Variants in PLIN3 observed in about 807,000 individuals in gnomAD.
PLIN3 encodes the protein perilipin-3.
In PLIN3, 30 loss-of-function variants were observed where a neutral mutation model predicts 35.9. The observed-to-expected ratio is 0.84, with a 90% confidence interval of 0.62 to 1.13. The LOEUF is 1.13. Ranked by LOEUF, PLIN3 falls within the 50% of genes most tolerant of loss-of-function variation. The pLI is 0.00. For synonymous variants in PLIN3, 261 were observed against 262.5 expected (o/e 0.99, Z 0.06); for missense variants, 603 against 596.9 (o/e 1.01, Z -0.11).
intron 5 of PLIN3, among the ~76,000 whole-genome samples, chr19:4,848,790 C>A (rs1312354041): frequency 1.3e-5 from 2 of 152,072 alleles, no homozygotes; most frequent in Non-Finnish European, 2.9e-5. Flanking sequence ...TCGCTTGAAC[C>A]CGGGAGGTGG....
chr19:4,863,221 G>A (rs1049808142), intron 1 of PLIN3, among the ~76,000 whole-genome samples: 6 of 151,578 alleles, frequency 4.0e-5, no homozygotes, highest in Non-Finnish European at 1.5e-5. Context: ...TTAAAGGCCG[G>A]GTGCGGTGGC....
At chr19:4,848,188 T>TG (rs1287714413) in intron 5 of PLIN3, among the ~76,000 whole-genome samples, 1 of 152,138 alleles carries the variant, frequency 6.6e-6, no homozygotes, top group African/African-American at 2.4e-5. Context: ...TTCACCATGT[T>TG]GGCCAGGCTG....
intron 4 of PLIN3, among the ~76,000 whole-genome samples, chr19:4,856,501 T>C (rs2030480444): frequency 6.6e-6 from 1 of 151,186 alleles, no homozygotes; most frequent in African/African-American, 2.4e-5. Context: ...GAGGTTGCAG[T>C]GAGCCGAGAT....
chr19:4,854,506 C>T (rs536089481), intron 4 of PLIN3, among the ~76,000 whole-genome samples: 2 of 152,148 alleles, frequency 1.3e-5, no homozygotes, highest in Admixed American at 6.6e-5. Flanking sequence ...CAGGTTCAAG[C>T]GGTTCTCCTG....
chr19:4,860,837 G>GGT, intron 2 of PLIN3, among the ~76,000 whole-genome samples: 1 of 152,042 alleles, frequency 6.6e-6, no homozygotes, highest in Admixed American at 6.6e-5. Context: ...CGGGCGTGGT[G>GGT]GCACATGCCT....
intron 4 of PLIN3, among the ~76,000 whole-genome samples, chr19:4,859,031 T>C (rs1376271866): frequency 6.6e-6 from 1 of 152,090 alleles, no homozygotes; most frequent in East Asian, 1.9e-4. Context: ...GTTTTGACTT[T>C]CCTGCCGCCA....
chr19:4,864,551 A>T (rs938870086), intron 1 of PLIN3, among the ~76,000 whole-genome samples: 5 of 151,650 alleles, frequency 3.3e-5, no homozygotes, highest in Non-Finnish European at 5.9e-5. Context: ...TCCTGAGCTC[A>T]AGGGATCTGC....
rs770583967 is a variant in PLIN3, at chr19:4,847,673, G to T, written c.834+18C>A. ...GTGAAGGCTGCTGGCTCAGGGCCCC[G>T]ACCCCCTGGAACCTCACCAGGCTTA... On this transcript the variant is annotated intron_variant, in intron 6 of 7. Transcript: ENST00000221957. 6.3e-7 allele frequency: 1 copy of T among 1,574,862 alleles called. No individual in the cohort carries two copies. Among genetic ancestry groups the T allele is most frequent in the Non-Finnish European group, 8.6e-7 (1 of 1,159,922 alleles).
chr19:4,851,405 A>C (rs982960452), intron 5 of PLIN3, among the ~76,000 whole-genome samples: 1 of 152,112 alleles, frequency 6.6e-6, no homozygotes, highest in Non-Finnish European at 1.5e-5. Flanking sequence ...CAGAGGTTGC[A>C]GTGAGCTGAG....
chr19:4,860,003 C>T lies in PLIN3; in HGVS notation c.88G>A (p.Ala30Thr). 1 of 1,614,060 alleles carries T rather than the reference C, an allele frequency of 6.2e-7. No homozygotes were observed. Among genetic ancestry groups the T allele is most frequent in the South Asian group, 1.1e-5 (1 of 91,082 alleles). Residue 30 changes from alanine (A) to threonine (T), a missense_variant, in exon 3 of 8, where the codon GCC becomes ACC. Physicochemically the swap from Ala to Thr is moderately conservative, Grantham distance 58. Transcript: ENST00000221957. ...GTGGAGCTGATCAGAGGCATGCTGG[C>T]CACACGGTCCACCACACTGGGCTAC... ...VQQPSVVDRVASMPLISSTCD... is the reference protein window; with the variant it reads ...VQQPSVVDRVTSMPLISSTCD...
intron 5 of PLIN3, among the ~76,000 whole-genome samples, chr19:4,849,253 G>A (rs1486120292): frequency 6.6e-6 from 1 of 152,008 alleles, no homozygotes; most frequent in Non-Finnish European, 1.5e-5. Context: ...GTTTACAGGT[G>A]TGAGCCATTG....
chr19:4,849,277 G>A (rs942047967), intron 5 of PLIN3, among the ~76,000 whole-genome samples: 7 of 151,380 alleles, frequency 4.6e-5, no homozygotes, highest in African/African-American at 1.7e-4. Context: ...CTGGCTTCCT[G>A]TACCTTTTCT....
At chr19:4,861,869 G>T (rs1250743433) in intron 1 of PLIN3, among the ~76,000 whole-genome samples, 4 of 151,622 alleles carry the variant, frequency 2.6e-5, no homozygotes, top group African/African-American at 9.7e-5. Flanking sequence ...TCCTGACCTT[G>T]TGTTCCACCC....
chr19:4,843,209 A>ACCCTGTCTT (rs1568372800), intron 7 of PLIN3, among the ~76,000 whole-genome samples: 1 of 134,556 alleles, frequency 7.4e-6, no homozygotes, highest in East Asian at 2.4e-4. Context: ...GCAACAGAGC[A>ACCCTGTCTT]ATAAATAAAT....
At chr19:4,845,578 T>C (rs537093871) in intron 6 of PLIN3, among the ~76,000 whole-genome samples, 8 of 151,940 alleles carry the variant, frequency 5.3e-5, no homozygotes, top group Non-Finnish European at 7.4e-5. Context: ...CAGAACAGCA[T>C]AGGCAACACA....
intron 4 of PLIN3, among the ~76,000 whole-genome samples, chr19:4,855,113 A>G (rs959437358): frequency 1.3e-5 from 2 of 151,642 alleles, no homozygotes; most frequent in Non-Finnish European, 2.9e-5. Flanking sequence ...TGCTGGGCGT[A>G]GTGATGGGCG....
intron 1 of PLIN3, among the ~76,000 whole-genome samples, chr19:4,862,335 T>C (rs1024770421): frequency 2.0e-5 from 3 of 151,934 alleles, no homozygotes; most frequent in Admixed American, 1.3e-4. Flanking sequence ...GTTTTCACCA[T>C]GTTGGCCAGG....
chr19:4,865,444 G>A (rs1380637561), intron 1 of PLIN3, among the ~76,000 whole-genome samples: 3 of 151,162 alleles, frequency 2.0e-5, no homozygotes, highest in East Asian at 3.9e-4. Flanking sequence ...AGTCGAGATC[G>A]CACCACTGCA....
chr19:4,849,374 C>A lies in PLIN3; in HGVS notation c.635-1484G>T, dbSNP rs181593771. On this transcript the variant is annotated intron_variant, in intron 5 of 7. Transcript: ENST00000221957. ...CCAGGCTGGAGTGCAGCGGTGCAAT[C>A]ATAGCTCACTGTAGCCTTGAACTCC... 9.7e-4 allele frequency among the ~76,000 whole-genome samples: 148 copies of A among 152,158 alleles called. 1 individual carries two copies. Among genetic ancestry groups the A allele is most frequent in the African/African-American group, 3.5e-3 (145 of 41,530 alleles).
Sources: gnomAD v4.1 joint callset for allele counts (sites outside exome capture counted in the v4.1 genomes callset) on GRCh38, gnomAD v4.1.1 for gene constraint, MANE v1.5 for transcripts, NCBI Gene and HGNC (gene_info 2026-07-23, HGNC 2026-07-21) for gene names.